Variants in CSNK2A2IP observed in about 807,000 individuals in gnomAD.
CSNK2A2IP encodes casein kinase II subunit alpha'-interacting protein.
chr3:88,374,721 C>T, the CSNK2A2IP span, among the ~76,000 whole-genome samples: 1 of 151,678 alleles, frequency 6.6e-6, no homozygotes, highest in African/African-American at 2.4e-5. Flanking sequence ...AGTTACTTTG[C>T]TTTAAATTCT....
chr3:88,399,841 A>C, the CSNK2A2IP span: 1 of 152,232 alleles, frequency 6.6e-6, no homozygotes, highest in African/African-American at 2.4e-5. Context: ...GTTCAGAAAG[A>C]AAAATGAACC....
the CSNK2A2IP span, among the ~76,000 whole-genome samples, chr3:88,428,410 T>A: frequency 6.6e-6 from 1 of 152,102 alleles, no homozygotes; most frequent in Non-Finnish European, 1.5e-5. Context: ...AGGGCATGAT[T>A]GTGTTTTAAA....
chr3:88,367,686 C>T, the CSNK2A2IP span, among the ~76,000 whole-genome samples: 4 of 152,004 alleles, frequency 2.6e-5, no homozygotes, highest in Non-Finnish European at 5.9e-5. Context: ...ACCAACAAAA[C>T]GCACATGGCC....
chr3:88,339,302 T>G, the CSNK2A2IP span, among the ~76,000 whole-genome samples: 155 of 152,122 alleles, frequency 1.0e-3, no homozygotes, highest in African/African-American at 3.4e-3. Flanking sequence ...TGTGATAATA[T>G]CTTTCTGTGC....
the CSNK2A2IP span, among the ~76,000 whole-genome samples, chr3:88,410,330 G>A: frequency 7.9e-5 from 12 of 151,986 alleles, no homozygotes; most frequent in South Asian, 6.2e-4. Context: ...GCTATTCATA[G>A]AAAGAGTCTG....
chr3:88,453,247 A>G, the CSNK2A2IP span, among the ~76,000 whole-genome samples: 1 of 152,098 alleles, frequency 6.6e-6, no homozygotes, highest in African/African-American at 2.4e-5. Flanking sequence ...GAAAATCTCT[A>G]AATTGAAATC....
chr3:88,366,316 G>A, the CSNK2A2IP span, among the ~76,000 whole-genome samples: 1 of 152,142 alleles, frequency 6.6e-6, no homozygotes, highest in Non-Finnish European at 1.5e-5. Context: ...CAATGGCTAA[G>A]CCACAGTTGT....
chr3:88,379,501 C>T, the CSNK2A2IP span, among the ~76,000 whole-genome samples: 1 of 152,036 alleles, frequency 6.6e-6, no homozygotes, highest in Admixed American at 6.6e-5. Flanking sequence ...TGCTTCATAT[C>T]ATAATGTCCT....
chr3:88,426,844 G>A, the CSNK2A2IP span, among the ~76,000 whole-genome samples: 1 of 145,860 alleles, frequency 6.9e-6, no homozygotes, highest in Non-Finnish European at 1.5e-5. Flanking sequence ...TGCTTTATTA[G>A]CAGTGTGAGA....
At chr3:88,404,994 G>A in the CSNK2A2IP span, among the ~76,000 whole-genome samples, 3 of 151,964 alleles carry the variant, frequency 2.0e-5, no homozygotes, top group African/African-American at 7.3e-5. Flanking sequence ...CATTCTTTAG[G>A]TGACGTTTGA....
At chr3:88,382,625 T>C in the CSNK2A2IP span, 2 of 152,178 alleles carry the variant, frequency 1.3e-5, no homozygotes, top group Admixed American at 1.3e-4. Context: ...AAAATATTTC[T>C]GGACAAAAAC....
At chr3:88,431,508 A>G in the CSNK2A2IP span, among the ~76,000 whole-genome samples, 61,299 of 151,960 alleles carry the variant, frequency 0.4, 13,568 homozygotes, top group South Asian at 0.55. Context: ...GGTACAGTGT[A>G]TACTACCCAG....
chr3:88,377,697 A>G, the CSNK2A2IP span, among the ~76,000 whole-genome samples: 1 of 152,044 alleles, frequency 6.6e-6, no homozygotes, highest in African/African-American at 2.4e-5. Context: ...AGTCACTCTT[A>G]ATATCTTCAT....
the CSNK2A2IP span, among the ~76,000 whole-genome samples, chr3:88,386,801 G>A: frequency 1.6e-4 from 24 of 152,180 alleles, no homozygotes; most frequent in Non-Finnish European, 2.5e-4. Flanking sequence ...GTTTGACAAC[G>A]TAAGTGGGTA....
chr3:88,348,236 C>A, the CSNK2A2IP span, among the ~76,000 whole-genome samples: 4 of 151,736 alleles, frequency 2.6e-5, no homozygotes, highest in African/African-American at 7.3e-5. Context: ...TCTGTTCTTG[C>A]AGCTTTATGT....
At chr3:88,447,495 T>A in the CSNK2A2IP span, among the ~76,000 whole-genome samples, 3 of 152,076 alleles carry the variant, frequency 2.0e-5, no homozygotes, top group Non-Finnish European at 4.4e-5. Flanking sequence ...ACAAAAATAT[T>A]GGTTATGATA....
chr3:88,448,320 T>C, the CSNK2A2IP span, among the ~76,000 whole-genome samples: 4 of 152,320 alleles, frequency 2.6e-5, no homozygotes, highest in African/African-American at 7.2e-5. Context: ...TATGTCAATG[T>C]CTGTCTTGGT....
At chr3:88,418,339 A>G in the CSNK2A2IP span, among the ~76,000 whole-genome samples, 3 of 152,168 alleles carry the variant, frequency 2.0e-5, no homozygotes, top group South Asian at 6.2e-4. Context: ...TCGGCATCTT[A>G]TTCTAAAGCA....
At chr3:88,467,168 C>A in the CSNK2A2IP span, 2 of 402,064 alleles carry the variant, frequency 5.0e-6, no homozygotes, top group East Asian at 3.6e-5. Flanking sequence ...AAAAATAATT[C>A]TCAGCCACAA....
Sources: allele counts gnomAD v4.1 joint callset (sites outside exome capture counted in the v4.1 genomes callset), GRCh38; gene constraint gnomAD v4.1.1; transcripts MANE v1.5; gene names NCBI Gene and HGNC (gene_info 2026-07-23, HGNC 2026-07-21).